The following RPP30 variants were observed in gnomAD, a reference collection of about 807,000 sequenced individuals.
RPP30 encodes the protein ribonuclease P protein subunit p30.
A neutral mutation model predicts 38.6 loss-of-function variants in RPP30; 36 were observed. The observed-to-expected ratio is 0.93, with a 90% CI of 0.71 to 1.23. The LOEUF (loss-of-function observed/expected upper bound fraction) is 1.23. Among genes scored for constraint, RPP30 ranks in the 50% most tolerant of loss-of-function variants. The pLI is 0.00. For missense variants in RPP30, 321 were observed against 321.7 expected, an observed-to-expected ratio of 1.00 and a Z score of 0.02; for synonymous variants, 126 against 112.7, an observed-to-expected ratio of 1.12 and a Z score of -0.75.
At chr10:90,902,545 A>G (rs993699711), downstream of RPP30, among the ~76,000 whole-genome samples, 51 of 152,322 alleles carry the variant, frequency 3.3e-4, no homozygotes, top group African/African-American at 1.2e-3. Flanking sequence ...TTTTTAATGC[A>G]GTATCCTTTA....
intron 8 of RPP30, 121 bp from the exon 9 acceptor site, chr10:90,895,759 G>C (rs1263334703): frequency 1.5e-5 from 11 of 711,360 alleles, no homozygotes; most frequent in Non-Finnish European, 2.2e-5. Context: ...AAAATTATAA[G>C]GACTTAAATT....
chr10:90,872,864 A>G (rs1245236925), intron 1 of RPP30, among the ~76,000 whole-genome samples: 4 of 152,174 alleles, frequency 2.6e-5, no homozygotes, highest in Non-Finnish European at 5.9e-5. Flanking sequence ...TGTTCTCTTT[A>G]TGAAGTATCC....
intron 6 of RPP30, 56 bp downstream of exon 6, chr10:90,885,957 G>A: frequency 9.0e-7 from 1 of 1,108,956 alleles, no homozygotes; most frequent in Non-Finnish European, 1.3e-6. Flanking sequence ...TAGCAAATTG[G>A]AAAAGAAGCA....
intron 10 of RPP30, among the ~76,000 whole-genome samples, chr10:90,897,312 A>AT (rs1418204592): frequency 2.0e-5 from 3 of 152,224 alleles, no homozygotes; most frequent in African/African-American, 7.2e-5. Flanking sequence ...ATTGCTACAT[A>AT]TAGACTGAGT....
intron 5 of RPP30, among the ~76,000 whole-genome samples, chr10:90,885,229 T>C (rs767793495): frequency 2.6e-5 from 4 of 152,250 alleles, no homozygotes; most frequent in Admixed American, 6.5e-5. Flanking sequence ...GCATTCATTA[T>C]CATTTGCTTT....
At chr10:90,893,472 T>C (rs1180601834) in intron 6 of RPP30, among the ~76,000 whole-genome samples, 1 of 152,232 alleles carries the variant, frequency 6.6e-6, no homozygotes, top group Non-Finnish European at 1.5e-5. Flanking sequence ...CAAGTGACTT[T>C]TGCAATTGAG....
intron 4 of RPP30, among the ~76,000 whole-genome samples, chr10:90,876,514 G>T (rs1846854285): frequency 6.6e-6 from 1 of 152,164 alleles, no homozygotes; most frequent in Admixed American, 6.5e-5. Context: ...GATGCTCTGG[G>T]AGTATGTAAC....
At chr10:90,892,718 A>C (rs992528828) in intron 6 of RPP30, among the ~76,000 whole-genome samples, 1 of 152,248 alleles carries the variant, frequency 6.6e-6, no homozygotes, top group Non-Finnish European at 1.5e-5. Flanking sequence ...TCAGCTAATT[A>C]GTAGTTTTGG....
chr10:90,900,708 C>T lies in RPP30; in HGVS notation c.*29C>T, dbSNP rs777625392. On this transcript the variant is annotated 3_prime_UTR_variant, in exon 11 of 11. Transcript: ENST00000371703. ...GAATGCCCCAGTCTCTGTCAGCACT[C>T]CCTTCTTCCCTTTTATAGTTCATCA... is the stretch of plus-strand genomic sequence containing the variant. 2 of 1,598,162 alleles carry T rather than the reference C, an allele frequency of 1.3e-6. No homozygotes were observed. Among genetic ancestry groups the T allele is most frequent in the Non-Finnish European group, 1.7e-6 (2 of 1,174,386 alleles).
chr10:90,904,562 C>T (rs924252010), downstream of RPP30, among the ~76,000 whole-genome samples: 1 of 152,186 alleles, frequency 6.6e-6, no homozygotes, highest in Non-Finnish European at 1.5e-5. Context: ...CTTGTAATCC[C>T]AGCCCTTCAG....
intron 4 of RPP30, among the ~76,000 whole-genome samples, chr10:90,876,344 C>A (rs1015197357): frequency 6.6e-6 from 1 of 152,144 alleles, no homozygotes; most frequent in African/African-American, 2.4e-5. Context: ...ATTGAACTCA[C>A]GTGCACCAGA....
intron 5 of RPP30, chr10:90,879,912 C>T (rs1032077878): frequency 8.5e-5 from 13 of 152,220 alleles, no homozygotes; most frequent in South Asian, 4.2e-4. Context: ...AGTGTCCATC[C>T]GCCAAAAGTA....
At chr10:90,891,053 T>C (rs1847076297) in intron 6 of RPP30, among the ~76,000 whole-genome samples, 1 of 152,350 alleles carries the variant, frequency 6.6e-6, no homozygotes, top group African/African-American at 2.4e-5. Flanking sequence ...ACAGTCCCTA[T>C]GCGGAGAGTG....
At chr10:90,878,954 A>AG (rs1554861911) in intron 4 of RPP30, 109 bp from the exon 5 acceptor site, 3 of 903,054 alleles carry the variant, frequency 3.3e-6, no homozygotes, top group Non-Finnish European at 5.3e-6. Flanking sequence ...AAATGTCAGT[A>AG]TATTAGAAGT....
At chr10:90,900,265 G>A (rs926221976) in intron 10 of RPP30, among the ~76,000 whole-genome samples, 2 of 152,222 alleles carry the variant, frequency 1.3e-5, no homozygotes, top group African/African-American at 2.4e-5. Flanking sequence ...TAAAGTGTCT[G>A]CTACATCAAT....
Sources: allele counts gnomAD v4.1 joint callset (sites outside exome capture counted in the v4.1 genomes callset), GRCh38; gene constraint gnomAD v4.1.1; transcripts MANE v1.5; gene names NCBI Gene and HGNC (gene_info 2026-07-23, HGNC 2026-07-21).